PLXNB1: variants seen among roughly 807,000 people sequenced by gnomAD.
PLXNB1 encodes plexin-B1.
PLXNB1 carries 106 observed loss-of-function variants against 209.4 expected under a neutral mutation model. The observed-to-expected ratio is 0.51, with a 90% CI of 0.43 to 0.59. The LOEUF (loss-of-function observed/expected upper bound fraction) is 0.59. PLXNB1 is among the 20% of genes least tolerant of loss of function. The pLI is 0.00. For synonymous variants in PLXNB1, 1,167 were observed against 1,183.2 expected (o/e 0.99, Z 0.28); for missense variants, 2,357 against 2,853.2 (o/e 0.83, Z 3.96).
chr3:48,424,426 C>T lies in PLXNB1; in HGVS notation c.186G>A (p.Leu62=). The part of the protein sequence containing the change: ...TNFLFQLSPG[L]QLEATVSTGP... ...CGGTGGACACTGTGGCCTCCAGCTG[C>T]AGCCCAGGGCTCAGCTGGAACAGGA... The change falls in exon 3 of 38, where the codon CTG becomes CTA. Residue 62 remains leucine (L), a synonymous_variant. Coordinates refer to ENST00000296440, the MANE Select transcript of PLXNB1 (RefSeq NM_001130082.3). The T allele has an allele frequency of 1.3e-6, 2 of 1,573,758 alleles. No homozygotes were observed. Among genetic ancestry groups the T allele is most frequent in the Non-Finnish European group, 1.7e-6 (2 of 1,159,260 alleles).
Position 48,422,899 on chromosome 3 carries a change from T to A in PLXNB1, c.1156A>T (p.Met386Leu). ...GCTTCCAGCGGGACCCGGCTGGCCA[T>A]GGGGCTGGGCGTGTGGTCTGAGCCA... is the stretch of plus-strand genomic sequence containing the variant. ...PCGSDHTPSP[M>L]ASRVPLEATP... Residue 386 changes from methionine to leucine, a missense_variant, in exon 4 of 38, where the codon ATG becomes TTG. By Grantham distance (15) the Met-to-Leu change is conservative. This residue lies in a region of PLXNB1 where 404 missense variants were observed against 443.6 expected (regional missense o/e 0.91). Coordinates refer to ENST00000296440, the MANE Select transcript of PLXNB1 (RefSeq NM_001130082.3). 1 of 1,614,056 alleles carries A rather than the reference T, an allele frequency of 6.2e-7. No homozygotes were observed. The highest frequency in any genetic ancestry group is 8.5e-7 in the Non-Finnish European group (1 of 1,179,950).
rs2037969097 is a variant in PLXNB1, at chr3:48,414,872, G to A, written c.4136C>T (p.Thr1379Ile). ...PTPFSYEADP[T>I]LQPLNPEDPT... ...GTCCTCAGGGTTGAGTGGCTGCAGG[G>A]TGGGGTCGGCCTCATAGGAGAAAGG... The change falls in exon 21 of 38, where the codon ACC becomes ATC. Residue 1379 changes from threonine to isoleucine, a missense_variant. Thr to Ile is a moderately conservative substitution (Grantham distance 89, BLOSUM62 -1). This residue lies in a region of PLXNB1 where 743 missense variants were observed against 896.2 expected (regional missense o/e 0.83). Coordinates refer to ENST00000296440, the MANE Select transcript of PLXNB1 (RefSeq NM_001130082.3). The A allele has an allele frequency of 6.2e-7, 1 of 1,614,110 alleles. No individual in the cohort carries two copies. The highest frequency in any genetic ancestry group is 8.5e-7 in the Non-Finnish European group (1 of 1,180,044).
intron 1 of PLXNB1, among the ~76,000 whole-genome samples, chr3:48,428,323 C>T (rs1054970193): frequency 1.3e-5 from 2 of 152,126 alleles, no homozygotes; most frequent in Non-Finnish European, 2.9e-5. Context: ...CCTGCCCATT[C>T]CCAATATCTG....
rs1314974424 is a variant in PLXNB1 at position 48,429,238 on chromosome 3, G to C, written c.-60+770C>G. 1.3e-5 allele frequency: 2 copies of C among 151,926 alleles called. No homozygotes were observed. Among genetic ancestry groups the C allele is most frequent in the Non-Finnish European group, 2.9e-5 (2 of 67,978 alleles). 9.4% of individuals were successfully genotyped at this position (151,926 alleles called of 1,614,324 possible). A position where few individuals can be genotyped will look rare whatever the true frequency, so the allele number is the denominator to read the frequency against. The stretch of plus-strand genomic sequence containing the variant: ...CCCCGTTCCTCGCCGCCCTGGCCCC[G>C]AGCCCCGCACTCACCACCCGGCCGG... On this transcript the variant is annotated intron_variant, in intron 1 of 37. Transcript: ENST00000296440. This position sits in a 1 kb window ranked among gnomAD's most constrained non-coding sequence, Gnocchi z 6.4.
At position 48,419,455 on chromosome 3, in the gene PLXNB1, G is replaced by A. The variant is rs1044190871; in HGVS notation, c.2710-89C>T. 1.7e-5 allele frequency: 26 copies of A among 1,506,208 alleles called. No homozygotes were observed. Among genetic ancestry groups the A allele is most frequent in the Non-Finnish European group, 2.2e-5 (25 of 1,121,130 alleles). 93.3% of individuals were successfully genotyped at this position (1,506,208 alleles called of 1,614,324 possible). ...GCCAGATTCCAGAGGCAAGGCCGGTGTGGGGCTGCAGACTCCACCCTGCCC... is the reference window on the plus strand; with the variant it reads ...GCCAGATTCCAGAGGCAAGGCCGGTATGGGGCTGCAGACTCCACCCTGCCC... On this transcript the variant is annotated intron_variant, in intron 11 of 37. Transcript: ENST00000296440. This position sits in a 1 kb window ranked among gnomAD's most constrained non-coding sequence, Gnocchi z 5.7.
chr3:48,415,456 A>G lies in PLXNB1; in HGVS notation c.3795-109T>C. 7.0e-7 allele frequency: 1 copy of G among 1,419,716 alleles called. No individual in the cohort carries two copies. Among genetic ancestry groups the G allele is most frequent in the Non-Finnish European group, 9.6e-7 (1 of 1,040,694 alleles). 87.9% of individuals were successfully genotyped at this position (1,419,716 alleles called of 1,614,324 possible). A position where few individuals can be genotyped will look rare whatever the true frequency, so the allele number is the denominator to read the frequency against. Reference sequence around the variant, plus strand: ...CTCAGCCCCAGCCCCAAACCACACGACCCCTTGCCCCTACTAGCAGCATGG... The same window carrying G: ...CTCAGCCCCAGCCCCAAACCACACGGCCCCTTGCCCCTACTAGCAGCATGG... On this transcript the variant is annotated intron_variant, in intron 19 of 37. Transcript: ENST00000296440. The surrounding 1 kb of genome is among the most constrained non-coding windows in gnomAD (Gnocchi z 5.0).
chr3:48,415,069 G>C lies in PLXNB1; in HGVS notation c.3967-28C>G. The stretch of plus-strand genomic sequence containing the variant: ...GGAAGGAAGACAGGCAGGTTGACGA[G>C]GGGCCAAGCAAAGATGGGAAGAGCC... On this transcript the variant is annotated intron_variant, in intron 20 of 37. Coordinates refer to ENST00000296440, the MANE Select transcript of PLXNB1 (RefSeq NM_001130082.3). This position sits in a 1 kb window ranked among gnomAD's most constrained non-coding sequence, Gnocchi z 5.0. 1.2e-6 allele frequency: 2 copies of C among 1,610,242 alleles called. No homozygotes were observed. Among genetic ancestry groups the C allele is most frequent in the Non-Finnish European group, 1.7e-6 (2 of 1,177,560 alleles).
chr3:48,407,801 C>A (rs1480804799), intron 34 of PLXNB1, among the ~76,000 whole-genome samples: 2 of 152,210 alleles, frequency 1.3e-5, no homozygotes, highest in African/African-American at 4.8e-5. Context: ...CTGAGCTACC[C>A]AGGAACCATT....
In PLXNB1 at chr3:48,411,362, A is replaced by G. The variant is rs2037669478; in HGVS notation, c.5248-326T>C. 6.6e-6 allele frequency among the ~76,000 whole-genome samples: 1 copy of G among 152,218 alleles called. No individual in the cohort carries two copies. Among genetic ancestry groups the G allele is most frequent in the Admixed American group, 6.5e-5 (1 of 15,284 alleles). ...GCTGACGGAGTTTCGGGAAGCCTGC[A>G]TTCCCACCATCGGGAGCAAATATTC... On this transcript the variant is annotated intron_variant, in intron 28 of 37. Coordinates refer to ENST00000296440, the MANE Select transcript of PLXNB1 (RefSeq NM_001130082.3). The surrounding 1 kb of genome is among the most constrained non-coding windows in gnomAD (Gnocchi z 4.0).
At position 48,418,066 on chromosome 3, in the gene PLXNB1, T is replaced by C; in HGVS notation, c.3223-4A>G. 6.2e-7 allele frequency: 1 copy of C among 1,612,088 alleles called. No homozygotes were observed. Among genetic ancestry groups the C allele is most frequent in the Non-Finnish European group, 8.5e-7 (1 of 1,179,238 alleles). On this transcript the variant is annotated splice_polypyrimidine_tract_variant and splice_region_variant and intron_variant, in intron 15 of 37. Transcript: ENST00000296440. This position sits in a 1 kb window ranked among gnomAD's most constrained non-coding sequence, Gnocchi z 6.6. ...CAGGCCCAGTCAGTGGCTCCACCTG[T>C]TCCAGGACAAGGACTGCTCACCTCT...
In PLXNB1 at chr3:48,405,496, C is replaced by T. The variant is rs887934099; in HGVS notation, c.6303+228G>A. On this transcript the variant is annotated intron_variant, in intron 37 of 37. Coordinates refer to ENST00000296440, the MANE Select transcript of PLXNB1 (RefSeq NM_001130082.3). The surrounding 1 kb of genome is among the most constrained non-coding windows in gnomAD (Gnocchi z 5.0). ...CACAACCACCAGCACTGTGCCTCGC[C>T]GTCCTGCTGGGGAGCTGGAATGGGG... is the stretch of plus-strand genomic sequence containing the variant. Among the ~76,000 whole-genome samples the T allele has an allele frequency of 6.6e-6, 1 of 152,210 alleles. No homozygotes were observed. The highest frequency in any genetic ancestry group is 2.4e-5 in the African/African-American group (1 of 41,446).
rs1000065332 is a variant in PLXNB1 at position 48,412,139 on chromosome 3, C to G, written c.5100+99G>C. 83 of 1,492,704 alleles carry G rather than the reference C, an allele frequency of 5.6e-5. 3 individuals carry two copies. The Admixed American group carries it at 1.1e-3, about 20-fold the overall frequency. The allele number at this position is 1,492,704 out of a possible 1,614,324, so 92.5% of individuals were successfully genotyped here. ...GACAGGCTGAGCAGGAGTCTCTGCTCTGGCACAAGTGTCCGAGCTGCATGG... is the reference window on the plus strand; with the variant it reads ...GACAGGCTGAGCAGGAGTCTCTGCTGTGGCACAAGTGTCCGAGCTGCATGG... On this transcript the variant is annotated intron_variant, in intron 27 of 37. Coordinates refer to ENST00000296440, the MANE Select transcript of PLXNB1 (RefSeq NM_001130082.3).
Position 48,420,693 on chromosome 3 carries a change from T to A in PLXNB1, c.2000A>T (p.Asp667Val). 4 of 1,613,870 alleles carry A rather than the reference T, an allele frequency of 2.5e-6. No individual in the cohort carries two copies. Among genetic ancestry groups the A allele is most frequent in the Non-Finnish European group, 3.4e-6 (4 of 1,179,952 alleles). The change falls in exon 10 of 38, where the codon GAT becomes GTT. Residue 667 changes from aspartate (D) to valine (V), a missense_variant. Transcript: ENST00000296440. ...QHLCTHKASCDAGPMVASHQS... is the reference protein window; with the variant it reads ...QHLCTHKASCVAGPMVASHQS... ...ATGGCTTGCAACCATGGGCCCAGCA[T>A]CACACGAGGCCTTGTGGGTGCACAG...
Position 48,419,674 on chromosome 3 carries a change from C to G in PLXNB1, c.2612G>C (p.Gly871Ala). Reference sequence around the variant, plus strand: ...CTCAAGCTCTGCTGAGTCTCCATCACCTGAGAGGAGGGTGGAAGTGGAGAA... The same window carrying G: ...CTCAAGCTCTGCTGAGTCTCCATCAGCTGAGAGGAGGGTGGAAGTGGAGAA... ...PAFSTSTLLS[G>A]DGDSAELEGP... Residue 871 changes from glycine to alanine, a missense_variant, in exon 11 of 38, where the codon GGT (glycine) becomes GCT (alanine). Physicochemically the swap from Gly to Ala is moderately conservative, Grantham distance 60. Coordinates refer to ENST00000296440, the MANE Select transcript of PLXNB1 (RefSeq NM_001130082.3). The surrounding 1 kb of genome is among the most constrained non-coding windows in gnomAD (Gnocchi z 5.7). 4 of 1,612,578 alleles carry G rather than the reference C, an allele frequency of 2.5e-6. No homozygotes were observed. Among genetic ancestry groups the G allele is most frequent in the Non-Finnish European group, 3.4e-6 (4 of 1,179,942 alleles).
Position 48,416,989 on chromosome 3 carries a change from T to C in PLXNB1, c.3375-538A>G, listed in dbSNP as rs994979658. Among the ~76,000 whole-genome samples the C allele has an allele frequency of 8.5e-5, 13 of 152,236 alleles. No homozygotes were observed. The highest frequency in any genetic ancestry group is 1.8e-4 in the Non-Finnish European group (12 of 68,040). On this transcript the variant is annotated intron_variant, in intron 16 of 37. Coordinates refer to ENST00000296440, the MANE Select transcript of PLXNB1 (RefSeq NM_001130082.3). The surrounding 1 kb of genome is among the most constrained non-coding windows in gnomAD (Gnocchi z 4.1). ...AATTAAACTTCCAGAGTGTTAAGCC[T>C]GCAGTGGCTCAACTCAGTGACATTG...
rs767718000 is a variant in PLXNB1 at position 48,417,871 on chromosome 3, C to T, written c.3374+40G>A. The T allele has an allele frequency of 3.2e-6, 5 of 1,578,600 alleles. No individual in the cohort carries two copies. Among genetic ancestry groups the T allele is most frequent in the Middle Eastern group, 2.1e-4 (1 of 4,746 alleles). On this transcript the variant is annotated intron_variant, in intron 16 of 37. Coordinates refer to ENST00000296440, the MANE Select transcript of PLXNB1 (RefSeq NM_001130082.3). The surrounding 1 kb of genome is among the most constrained non-coding windows in gnomAD (Gnocchi z 4.4). ...AGCAGCAACGCCAACCGCGGAGGCC[C>T]CAGGCTGCGCCGTGCTCCTGCTGGG...
In PLXNB1 at chr3:48,419,201, G is replaced by A; in HGVS notation, c.2832+43C>T. 6.5e-7 allele frequency: 1 copy of A among 1,547,022 alleles called. No individual in the cohort carries two copies. The highest frequency in any genetic ancestry group is 8.8e-7 in the Non-Finnish European group (1 of 1,142,388). On this transcript the variant is annotated intron_variant, in intron 12 of 37. Transcript: ENST00000296440. The surrounding 1 kb of genome is among the most constrained non-coding windows in gnomAD (Gnocchi z 5.7). ...AGGGCTTGTGCAGAGTTTCTCAACA[G>A]CTAAGGAGGCTGCAAGGACAGCGGC...
Position 48,418,987 on chromosome 3 carries a change from A to G in PLXNB1, c.2885T>C (p.Val962Ala). The G allele has an allele frequency of 6.2e-7, 1 of 1,613,860 alleles. No homozygotes were observed. Among genetic ancestry groups the G allele is most frequent in the South Asian group, 1.1e-5 (1 of 91,076 alleles). ...CTCACACTCGACCCGGGCCTCAACC[A>G]CCACCTCGAGGCCCTCCAGCTCCAT... ...CVMELEGLEV[V>A]VEARVECEPP... The change falls in exon 13 of 38, where the codon GTG becomes GCG. Residue 962 changes from valine (V) to alanine (A), a missense_variant. This residue lies in a region of PLXNB1 where 410 missense variants were observed against 401.0 expected (regional missense o/e 1.02). Coordinates refer to ENST00000296440, the MANE Select transcript of PLXNB1 (RefSeq NM_001130082.3). This position sits in a 1 kb window ranked among gnomAD's most constrained non-coding sequence, Gnocchi z 6.6.
rs778344895 is a variant in PLXNB1 at position 48,422,400 on chromosome 3, C to T, written c.1350G>A (p.Gly450=). ...AGGTGAGGTCTCTGCTCACTGCAGACCCCTGCTGGATGCTCTGTGTGGAGT... is the reference window on the plus strand; with the variant it reads ...AGGTGAGGTCTCTGCTCACTGCAGATCCCTGCTGGATGCTCTGTGTGGAGT... ...HPYSTQSIQQ[G]SAVSRDLTFD... The change falls in exon 5 of 38, where the codon GGG becomes GGA. Residue 450 remains glycine, a synonymous_variant. Coordinates refer to ENST00000296440, the MANE Select transcript of PLXNB1 (RefSeq NM_001130082.3). 2.1e-5 allele frequency: 34 copies of T among 1,605,470 alleles called. No homozygotes were observed. In the Middle Eastern group the frequency reaches 1.2e-3, roughly 54 times the overall value.
Sources: gnomAD v4.1 joint callset for allele counts (sites outside exome capture counted in the v4.1 genomes callset) on GRCh38, gnomAD v4.1.1 for gene constraint, gnomAD v4.1.1 regional missense constraint, Gnocchi (gnomAD v3.1) non-coding constraint, MANE v1.5 for transcripts, NCBI Gene and HGNC (gene_info 2026-07-23, HGNC 2026-07-21) for gene names.